Variants in AHI1 observed in about 807,000 individuals in gnomAD.
AHI1 encodes jouberin.
A neutral mutation model predicts 149.3 loss-of-function variants in AHI1; 123 were observed. The observed-to-expected ratio is 0.82, with a 90% CI of 0.71 to 0.96. The LOEUF (loss-of-function observed/expected upper bound fraction) is 0.96, where lower values mean the gene tolerates loss of function less well. AHI1 is among the 40% of genes least tolerant of loss of function. AHI1 has a pLI of 0.00. For synonymous variants in AHI1, 475 were observed against 459.8 expected, an observed-to-expected ratio of 1.03 and a Z score of -0.42; for missense variants, 1,439 against 1,422.7, an observed-to-expected ratio of 1.01 and a Z score of -0.18.
chr6:135,285,725 C>A, intron 28 of AHI1, 78 bp from the exon 29 acceptor site: 1 of 1,190,278 alleles, frequency 8.4e-7, no homozygotes, highest in South Asian at 1.3e-5. Context: ...TTAGTGTGCT[C>A]AGGCAACAGC....
intron 26 of AHI1, among the ~76,000 whole-genome samples, chr6:135,316,173 T>C (rs546832994): frequency 6.6e-6 from 1 of 152,286 alleles, no homozygotes; most frequent in East Asian, 1.9e-4. Context: ...AATAAAGTAC[T>C]TCCTGCTTCC....
intron 26 of AHI1, among the ~76,000 whole-genome samples, chr6:135,317,090 C>T (rs973823334): frequency 1.4e-4 from 22 of 152,048 alleles, no homozygotes; most frequent in African/African-American, 5.1e-4. Context: ...GTCCCCTGAC[C>T]TCCATCCCCC....
chr6:135,420,876 C>A (rs2127994019), intron 20 of AHI1, among the ~76,000 whole-genome samples: 1 of 152,274 alleles, frequency 6.6e-6, no homozygotes, highest in Non-Finnish European at 1.5e-5. Flanking sequence ...TTAGCCTTTG[C>A]CCTATCTCAG....
intron 24 of AHI1, among the ~76,000 whole-genome samples, chr6:135,335,457 A>C (rs75763908): frequency 2.6e-5 from 4 of 151,898 alleles, no homozygotes; most frequent in East Asian, 1.9e-4. Context: ...AAAAAAAAAA[A>C]CCACTCTCAG....
intron 3 of AHI1, among the ~76,000 whole-genome samples, chr6:135,494,653 T>C (rs575455236): frequency 4.4e-4 from 67 of 152,364 alleles, no homozygotes; most frequent in African/African-American, 1.5e-3. Context: ...TGTTTACGTA[T>C]ATAATCATAT....
At chr6:135,488,121 T>C (rs1444981946) in intron 5 of AHI1, among the ~76,000 whole-genome samples, 2 of 152,180 alleles carry the variant, frequency 1.3e-5, no homozygotes, top group Non-Finnish European at 2.9e-5. Flanking sequence ...GTGTCTGCAA[T>C]ATTTGACTCT....
chr6:135,327,061 A>G lies in AHI1; in HGVS notation c.3166-3737T>C, dbSNP rs149203286. Among the ~76,000 whole-genome samples the G allele has an allele frequency of 1.0e-3, 156 of 152,308 alleles. 1 individual carries two copies. The highest frequency in any genetic ancestry group is 3.5e-3 in the African/African-American group (144 of 41,556). ...CCATTCCCATACAGGTTGCTGCAAA[A>G]TACATTATTTCATACTTTTTAAAAT... On this transcript the variant is annotated intron_variant, in intron 24 of 28. Transcript: ENST00000265602.
intron 27 of AHI1, among the ~76,000 whole-genome samples, chr6:135,293,392 C>CAAAAAAAAAAAAAAAA (rs1175955601): frequency 4.5e-4 from 9 of 20,090 alleles, no homozygotes; most frequent in African/African-American, 9.3e-4. Context: ...GTTAACAGGG[C>CAAAAAAAAAAAAAAAA]AAAAAAAAAA....
At chr6:135,486,302 T>A (rs899561368) in intron 5 of AHI1, among the ~76,000 whole-genome samples, 3 of 152,174 alleles carry the variant, frequency 2.0e-5, no homozygotes, top group Admixed American at 1.3e-4. Context: ...TACTGTGGAT[T>A]TAAATTTTCC....
chr6:135,422,684 C>G (rs2127997379), intron 20 of AHI1, among the ~76,000 whole-genome samples: 1 of 151,480 alleles, frequency 6.6e-6, no homozygotes, highest in African/African-American at 2.4e-5. Flanking sequence ...GAGATGAGGT[C>G]TCACTATGTT....
chr6:135,357,985 TAAC>T (rs1195847475), intron 24 of AHI1, 144 bp downstream of exon 24: 1 of 647,172 alleles, frequency 1.5e-6, no homozygotes, highest in Non-Finnish European at 2.7e-6. Flanking sequence ...ATTTCTAAGT[TAAC>T]AACATTAATA....
In AHI1 at chr6:135,416,182, T is replaced by C. The variant is rs140080384; in HGVS notation, c.2765-4638A>G. On this transcript the variant is annotated intron_variant, in intron 20 of 28. Coordinates refer to ENST00000265602, the MANE Select transcript of AHI1 (RefSeq NM_001134831.2). ...TCACCAAAAAAAGCAAATGACAAAA[T>C]TGTAATGAAAGGGGTAATTAATCTT... 3.0e-3 allele frequency among the ~76,000 whole-genome samples: 458 copies of C among 152,082 alleles called. 1 individual carries two copies. Among genetic ancestry groups the C allele is most frequent in the Non-Finnish European group, 5.1e-3 (346 of 67,946 alleles).
intron 13 of AHI1, among the ~76,000 whole-genome samples, chr6:135,445,610 T>C (rs1209657397): frequency 2.0e-5 from 3 of 152,186 alleles, no homozygotes; most frequent in South Asian, 4.1e-4. Flanking sequence ...TCTCATTCTG[T>C]CATCCAGGCT....
At chr6:135,317,702 G>A (rs762313375) in intron 26 of AHI1, among the ~76,000 whole-genome samples, 2 of 152,114 alleles carry the variant, frequency 1.3e-5, no homozygotes, top group Non-Finnish European at 2.9e-5. Context: ...GATTAATAGA[G>A]CGCATGGATG....
intron 8 of AHI1, among the ~76,000 whole-genome samples, chr6:135,462,882 C>T (rs1173744474): frequency 2.6e-5 from 4 of 151,980 alleles, no homozygotes; most frequent in African/African-American, 9.7e-5. Flanking sequence ...GCCTGGGAGA[C>T]AGAGTAAGAC....
At chr6:135,441,183 C>T (rs942320911) in intron 14 of AHI1, among the ~76,000 whole-genome samples, 6 of 150,120 alleles carry the variant, frequency 4.0e-5, no homozygotes, top group Non-Finnish European at 4.5e-5. Flanking sequence ...TTGAAAAGTA[C>T]AATAACTGAA....
chr6:135,295,379 T>C (rs1230719819), intron 27 of AHI1, among the ~76,000 whole-genome samples: 3 of 152,216 alleles, frequency 2.0e-5, no homozygotes, highest in Admixed American at 6.5e-5. Flanking sequence ...AAACCAACTA[T>C]ATAGTCCAGC....
chr6:135,337,691 G>C (rs1344464770), intron 24 of AHI1, among the ~76,000 whole-genome samples: 1 of 151,392 alleles, frequency 6.6e-6, no homozygotes, highest in Non-Finnish European at 1.5e-5. Context: ...GAACCCAGGA[G>C]GTCAAGGCTG....
intron 22 of AHI1, among the ~76,000 whole-genome samples, 178 bp from the exon 23 acceptor site, chr6:135,395,074 A>T (rs1050407626): frequency 2.6e-5 from 4 of 152,014 alleles, no homozygotes; most frequent in Non-Finnish European, 5.9e-5. Context: ...TTTCATCAAG[A>T]AAAAAATATA....
Sources: gnomAD v4.1 joint callset for allele counts (sites outside exome capture counted in the v4.1 genomes callset) on GRCh38, gnomAD v4.1.1 for gene constraint, MANE v1.5 for transcripts, NCBI Gene and HGNC (gene_info 2026-07-23, HGNC 2026-07-21) for gene names.